Variants in CNTNAP2 observed in about 807,000 individuals in gnomAD.
CNTNAP2 encodes contactin associated protein 2, also known as contactin-associated protein-like 2.
CNTNAP2 carries 98 observed loss-of-function variants against 155.2 expected under a neutral mutation model. The observed-to-expected ratio is 0.63, with a 90% CI of 0.54 to 0.75. The LOEUF (loss-of-function observed/expected upper bound fraction) is 0.75. Ranked by LOEUF, CNTNAP2 falls within the 30% of genes least tolerant of loss-of-function variation. The pLI is 0.00. For missense variants in CNTNAP2, 1,727 were observed against 1,688.1 expected, an observed-to-expected ratio of 1.02 and a Z score of -0.40; for synonymous variants, 651 against 631.2, an observed-to-expected ratio of 1.03 and a Z score of -0.47.
intron 13 of CNTNAP2, among the ~76,000 whole-genome samples, chr7:147,777,505 G>C (rs1007427348): frequency 6.6e-6 from 1 of 152,230 alleles, no homozygotes; most frequent in Non-Finnish European, 1.5e-5. Context: ...CCCCTGTTGA[G>C]GCCCCTACTT....
intron 10 of CNTNAP2, among the ~76,000 whole-genome samples, chr7:147,440,170 G>C (rs1252620241): frequency 6.6e-6 from 1 of 151,826 alleles, no homozygotes; most frequent in Non-Finnish European, 1.5e-5. Context: ...TCCTTTTAGT[G>C]AGGGTGATTT....
chr7:148,096,279 A>ATATGTG (rs1053562092), intron 15 of CNTNAP2, among the ~76,000 whole-genome samples: 2 of 144,722 alleles, frequency 1.4e-5, no homozygotes, highest in Non-Finnish European at 3.1e-5. Context: ...GCATGCATGC[A>ATATGTG]TGTGTGTGTG....
At chr7:147,067,961 G>T (rs1799815342) in intron 4 of CNTNAP2, among the ~76,000 whole-genome samples, 1 of 152,214 alleles carries the variant, frequency 6.6e-6, no homozygotes, top group African/African-American at 2.4e-5. Context: ...GCATGGCCTA[G>T]CCCATCGGCG....
intron 15 of CNTNAP2, among the ~76,000 whole-genome samples, chr7:148,077,639 G>C (rs531454038): frequency 6.6e-6 from 1 of 151,802 alleles, no homozygotes; most frequent in African/African-American, 2.4e-5. Context: ...TCTTTTTTTC[G>C]GATATAAAAC....
chr7:146,992,020 C>G (rs548201235), intron 3 of CNTNAP2, among the ~76,000 whole-genome samples: 1 of 152,204 alleles, frequency 6.6e-6, no homozygotes, highest in African/African-American at 2.4e-5. Context: ...TTACATCAAG[C>G]AAAAGACTCC....
At chr7:146,247,900 T>C (rs935807781) in intron 1 of CNTNAP2, among the ~76,000 whole-genome samples, 3 of 151,994 alleles carry the variant, frequency 2.0e-5, no homozygotes, top group Non-Finnish European at 4.4e-5. Context: ...TGGGGGTTCT[T>C]GCCCTCCAGA....
At position 148,418,773 on chromosome 7, in the gene CNTNAP2, A is replaced by T. The variant is rs937409203; in HGVS notation, c.*3157A>T. On this transcript the variant is annotated 3_prime_UTR_variant, in exon 24 of 24. Transcript: ENST00000361727. Reference sequence around the variant, plus strand: ...ACTTGTTACATGAAAGTTTTCATTAAAGAGCTGAAAACAAGAATTTAGAGA... The same window carrying T: ...ACTTGTTACATGAAAGTTTTCATTATAGAGCTGAAAACAAGAATTTAGAGA... The T allele has an allele frequency of 6.6e-6, 1 of 152,260 alleles. No individual in the cohort carries two copies. The highest frequency in any genetic ancestry group is 1.5e-5 in the Non-Finnish European group (1 of 68,050). 9.4% of individuals were successfully genotyped at this position (152,260 alleles called of 1,614,324 possible). A position where few individuals can be genotyped will look rare whatever the true frequency, so the allele number is the denominator to read the frequency against.
At chr7:146,988,029 G>A (rs1276844201) in intron 3 of CNTNAP2, among the ~76,000 whole-genome samples, 1 of 151,960 alleles carries the variant, frequency 6.6e-6, no homozygotes, top group African/African-American at 2.4e-5. Flanking sequence ...ATTTTCTCAC[G>A]AAAGGCCTCT....
At chr7:147,978,016 G>T in intron 15 of CNTNAP2, 27 bp downstream of exon 15, 1 of 1,613,280 alleles carries the variant, frequency 6.2e-7, no homozygotes, top group Non-Finnish European at 8.5e-7. Context: ...GCTATGGCTT[G>T]CACTTTCTTA....
chr7:146,526,664 C>A (rs1489177877), intron 1 of CNTNAP2, among the ~76,000 whole-genome samples: 1 of 152,152 alleles, frequency 6.6e-6, no homozygotes, highest in African/African-American at 2.4e-5. Flanking sequence ...TGGGGATGTA[C>A]ATTCAAACTG....
intron 8 of CNTNAP2, chr7:147,167,382 A>G (rs534723321): frequency 2.5e-6 from 3 of 1,180,862 alleles, no homozygotes; most frequent in Admixed American, 4.6e-5. Flanking sequence ...CATTTCTGCC[A>G]AACGTTACTA....
At chr7:146,866,099 C>T (rs550471336) in intron 3 of CNTNAP2, among the ~76,000 whole-genome samples, 2 of 152,166 alleles carry the variant, frequency 1.3e-5, no homozygotes, top group South Asian at 2.1e-4. Context: ...GAATTCAGTG[C>T]TATTTGCTGT....
intron 2 of CNTNAP2, among the ~76,000 whole-genome samples, chr7:146,796,758 C>G (rs893870782): frequency 6.6e-6 from 1 of 151,932 alleles, no homozygotes; most frequent in Non-Finnish European, 1.5e-5. Context: ...ATGCTGACTA[C>G]CTTATTCACT....
At chr7:147,042,035 A>C (rs1341156637) in intron 3 of CNTNAP2, among the ~76,000 whole-genome samples, 1 of 152,164 alleles carries the variant, frequency 6.6e-6, no homozygotes, top group Non-Finnish European at 1.5e-5. Context: ...TGGCTAGAAA[A>C]GTACCTACAA....
chr7:146,299,803 T>C (rs1229032421), intron 1 of CNTNAP2, among the ~76,000 whole-genome samples: 8 of 152,030 alleles, frequency 5.3e-5, no homozygotes, highest in Non-Finnish European at 1.2e-4. Flanking sequence ...AGTCTTAAGT[T>C]AGAGATGAGA....
intron 8 of CNTNAP2, among the ~76,000 whole-genome samples, chr7:147,150,363 A>G (rs901395576): frequency 2.0e-5 from 3 of 152,240 alleles, no homozygotes; most frequent in Admixed American, 6.5e-5. Flanking sequence ...ACTGAAAGGA[A>G]CAGGAGCACG....
intron 13 of CNTNAP2, among the ~76,000 whole-genome samples, chr7:147,882,582 T>G (rs1460881735): frequency 1.3e-5 from 2 of 152,168 alleles, no homozygotes; most frequent in Non-Finnish European, 2.9e-5. Context: ...GCCGACCTAG[T>G]GGGACCAGAG....
At chr7:146,782,480 A>G (rs899133945) in intron 2 of CNTNAP2, among the ~76,000 whole-genome samples, 1 of 152,200 alleles carries the variant, frequency 6.6e-6, no homozygotes, top group African/African-American at 2.4e-5. Context: ...ACTAAGTTCC[A>G]GTACTGAGCT....
intron 4 of CNTNAP2, among the ~76,000 whole-genome samples, chr7:147,064,427 C>T (rs911385522): frequency 3.3e-5 from 5 of 152,146 alleles, no homozygotes; most frequent in Non-Finnish European, 4.4e-5. Flanking sequence ...TTGTGAGATA[C>T]TTGATGAAAG....
Sources: gnomAD v4.1 joint callset for allele counts (sites outside exome capture counted in the v4.1 genomes callset) on GRCh38, gnomAD v4.1.1 for gene constraint, MANE v1.5 for transcripts, NCBI Gene and HGNC (gene_info 2026-07-23, HGNC 2026-07-21) for gene names.